The following MXI1 variants were observed in gnomAD, a reference collection of about 807,000 sequenced individuals.
The protein encoded by MXI1 is max-interacting protein 1.
A neutral mutation model predicts 36.9 loss-of-function variants in MXI1; 18 were observed. The observed-to-expected ratio is 0.49, with a 90% CI of 0.34 to 0.72. The LOEUF (loss-of-function observed/expected upper bound fraction) is 0.72, where lower values mean the gene tolerates loss of function less well. Among genes scored for constraint, MXI1 ranks in the 30% least tolerant of loss-of-function variants. The pLI is 0.01. For missense variants in MXI1, 304 were observed against 379.1 expected, an observed-to-expected ratio of 0.80 and a Z score of 1.64; for synonymous variants, 160 against 146.7, an observed-to-expected ratio of 1.09 and a Z score of -0.65.
At chr10:110,232,963 T>A (rs1402516486) in intron 2 of MXI1, among the ~76,000 whole-genome samples, 2 of 152,198 alleles carry the variant, frequency 1.3e-5, no homozygotes, top group Non-Finnish European at 2.9e-5. Context: ...AATACCAAAC[T>A]TGCATATTGA....
chr10:110,232,389 T>C (rs1855306260), intron 2 of MXI1, among the ~76,000 whole-genome samples: 2 of 152,206 alleles, frequency 1.3e-5, no homozygotes, highest in African/African-American at 4.8e-5. Context: ...GTTATCTCTG[T>C]TGAATAACAC....
intron 2 of MXI1, among the ~76,000 whole-genome samples, chr10:110,241,909 T>C (rs1330716299): frequency 6.6e-6 from 1 of 152,052 alleles, no homozygotes; most frequent in African/African-American, 2.4e-5. Context: ...GTTTTACAGA[T>C]GAGGAAACTG....
chr10:110,282,507 T>C (rs1423654456), intron 5 of MXI1, among the ~76,000 whole-genome samples: 2 of 152,232 alleles, frequency 1.3e-5, no homozygotes, highest in African/African-American at 4.8e-5. Flanking sequence ...CTGACCTTGG[T>C]GTCCCAGTCT....
intron 2 of MXI1, among the ~76,000 whole-genome samples, chr10:110,230,532 A>G (rs1855222577): frequency 6.6e-6 from 1 of 152,232 alleles, no homozygotes; most frequent in Admixed American, 6.5e-5. Flanking sequence ...AGAATATATT[A>G]TCTCAAGATC....
chr10:110,213,414 G>C (rs1008378062), intron 1 of MXI1, among the ~76,000 whole-genome samples: 2 of 152,202 alleles, frequency 1.3e-5, no homozygotes, highest in African/African-American at 4.8e-5. Context: ...GGGTGGAGTA[G>C]GGTATTTGTC....
chr10:110,228,182 T>C lies in MXI1; in HGVS notation c.275-7T>C. 6.2e-7 allele frequency: 1 copy of C among 1,613,810 alleles called. No homozygotes were observed. The highest frequency in any genetic ancestry group is 8.5e-7 in the Non-Finnish European group (1 of 1,179,916). The stretch of plus-strand genomic sequence containing the variant: ...CTTACCGTATCTTTTTTTCTTGCTT[T>C]CTTCAGAGTGTGAACATGGCTACGC... On this transcript the variant is annotated splice_polypyrimidine_tract_variant and splice_region_variant and intron_variant, in intron 1 of 5. Coordinates refer to ENST00000332674, the MANE Select transcript of MXI1 (RefSeq NM_130439.3).
chr10:110,210,097 G>T (rs1854473552), intron 1 of MXI1: 2 of 187,504 alleles, frequency 1.1e-5, no homozygotes, highest in African/African-American at 5.1e-5. Context: ...CCCGTGCCGG[G>T]GCTCCGGCGT....
chr10:110,277,422 T>C (rs1857072740), intron 3 of MXI1, among the ~76,000 whole-genome samples: 1 of 152,254 alleles, frequency 6.6e-6, no homozygotes, highest in Non-Finnish European at 1.5e-5. Flanking sequence ...CACTTTTTAC[T>C]CTGGTGTTTT....
chr10:110,257,083 A>G (rs745631042), intron 3 of MXI1: 1 of 152,228 alleles, frequency 6.6e-6, no homozygotes, highest in Non-Finnish European at 1.5e-5. Context: ...ATAAAGGGAA[A>G]GAGGAAAGAC....
At chr10:110,261,706 A>G (rs1856519114) in intron 3 of MXI1, among the ~76,000 whole-genome samples, 2 of 151,542 alleles carry the variant, frequency 1.3e-5, no homozygotes, top group Non-Finnish European at 2.9e-5. Context: ...TACCATTGTG[A>G]CTCTTCATTT....
intron 2 of MXI1, among the ~76,000 whole-genome samples, chr10:110,235,501 C>T (rs1041217796): frequency 1.3e-5 from 2 of 151,144 alleles, no homozygotes; most frequent in Non-Finnish European, 2.9e-5. Context: ...TCCTGGCTAA[C>T]ATGGGGAAAC....
At chr10:110,241,845 C>T (rs1260473681) in intron 2 of MXI1, among the ~76,000 whole-genome samples, 1 of 151,938 alleles carries the variant, frequency 6.6e-6, no homozygotes, top group East Asian at 1.9e-4. Flanking sequence ...GATGTTTTTA[C>T]ATCTGTTTCT....
chr10:110,208,177 C>CG, intron 1 of MXI1, 95 bp downstream of exon 1: 1 of 1,320,056 alleles, frequency 7.6e-7, no homozygotes, highest in Non-Finnish European at 1.0e-6. Flanking sequence ...CGTCCCCCCC[C>CG]CGCCCAACAT....
chr10:110,266,238 G>T (rs1289194328), intron 3 of MXI1, among the ~76,000 whole-genome samples: 2 of 152,034 alleles, frequency 1.3e-5, no homozygotes, highest in Non-Finnish European at 2.9e-5. Context: ...CTCCTGAGTA[G>T]CTGGGATTAA....
chr10:110,233,355 A>G (rs1279060809), intron 2 of MXI1, among the ~76,000 whole-genome samples: 2 of 151,876 alleles, frequency 1.3e-5, no homozygotes, highest in Non-Finnish European at 2.9e-5. Flanking sequence ...TTTTCTGGGG[A>G]GAGGGATGGT....
chr10:110,280,185 C>A, intron 5 of MXI1, 100 bp downstream of exon 5: 1 of 979,984 alleles, frequency 1.0e-6, no homozygotes, highest in Non-Finnish European at 1.4e-6. Context: ...TCTTTCTAGC[C>A]AACAGAGTAA....
chr10:110,242,166 C>G (rs1855693365), intron 2 of MXI1, among the ~76,000 whole-genome samples: 1 of 151,956 alleles, frequency 6.6e-6, no homozygotes, highest in Admixed American at 6.6e-5. Context: ...ATTATTTAAG[C>G]CTTAGACCAA....
At chr10:110,268,082 T>C (rs907304312) in intron 3 of MXI1, among the ~76,000 whole-genome samples, 2 of 152,190 alleles carry the variant, frequency 1.3e-5, no homozygotes, top group African/African-American at 4.8e-5. Flanking sequence ...GTTCTTGCTG[T>C]TGGAATATAC....
chr10:110,283,499 C>T (rs1032198236), intron 5 of MXI1, among the ~76,000 whole-genome samples: 3 of 151,652 alleles, frequency 2.0e-5, no homozygotes, highest in East Asian at 3.9e-4. Context: ...CTCCTGACCT[C>T]GTGATCCACC....
Sources: gnomAD v4.1 joint callset for allele counts (sites outside exome capture counted in the v4.1 genomes callset) on GRCh38, gnomAD v4.1.1 for gene constraint, MANE v1.5 for transcripts, NCBI Gene and HGNC (gene_info 2026-07-23, HGNC 2026-07-21) for gene names.